Variants in PCSK6 observed in about 807,000 individuals in gnomAD.
PCSK6 encodes the protein proprotein convertase subtilisin/kexin type 6.
In PCSK6, 85 loss-of-function variants were observed where a neutral mutation model predicts 123.3. The ratio of observed to expected loss-of-function variants is 0.69; its 90% confidence interval spans 0.58 to 0.83. The LOEUF (loss-of-function observed/expected upper bound fraction) is 0.83, where lower values mean the gene tolerates loss of function less well. PCSK6 is among the 40% of genes least tolerant of loss of function. PCSK6 has a pLI of 0.00. For synonymous variants in PCSK6, 508 were observed against 516.0 expected (o/e 0.98, Z 0.21); for missense variants, 1,191 against 1,282.3 (o/e 0.93, Z 1.09).
chr15:101,420,819 C>G (rs12441549), intron 6 of PCSK6, among the ~76,000 whole-genome samples: 2 of 152,226 alleles, frequency 1.3e-5, no homozygotes, highest in Non-Finnish European at 2.9e-5. Context: ...CCACTCTCCT[C>G]TCTGGAAACA....
intron 6 of PCSK6, among the ~76,000 whole-genome samples, chr15:101,403,184 C>T (rs1327818373): frequency 6.8e-6 from 1 of 148,046 alleles, no homozygotes; most frequent in African/African-American, 2.5e-5. Context: ...AAAAACCAAA[C>T]ACCGCATGTT....
intron 6 of PCSK6, among the ~76,000 whole-genome samples, chr15:101,411,146 G>C (rs1326198279): frequency 6.6e-6 from 1 of 152,196 alleles, no homozygotes; most frequent in African/African-American, 2.4e-5. Flanking sequence ...GAAGCAGAGG[G>C]CATCAGGTAG....
chr15:101,395,456 C>A (rs762618759), intron 7 of PCSK6, among the ~76,000 whole-genome samples: 1 of 152,214 alleles, frequency 6.6e-6, no homozygotes, highest in African/African-American at 2.4e-5. Flanking sequence ...TACTATGAGA[C>A]CAACCCATCC....
At chr15:101,445,119 A>G (rs2056853984) in intron 1 of PCSK6, among the ~76,000 whole-genome samples, 2 of 152,220 alleles carry the variant, frequency 1.3e-5, no homozygotes, top group Admixed American at 6.5e-5. Flanking sequence ...TGAGGAATCA[A>G]TGGGAATCAC....
chr15:101,393,388 A>G lies in PCSK6; in HGVS notation c.1033T>C (p.Ser345Pro). The G allele has an allele frequency of 1.9e-6, 3 of 1,603,814 alleles. No individual in the cohort carries two copies. The highest frequency in any genetic ancestry group is 2.6e-6 in the Non-Finnish European group (3 of 1,175,468). Residue 345 changes from serine (S) to proline (P), a missense_variant, in exon 8 of 22, where the codon TCT becomes CCT. Physicochemically the swap from Ser to Pro is moderately conservative, Grantham distance 74. This residue lies in a region of PCSK6 where 357 missense variants were observed against 484.5 expected (regional missense o/e 0.74). Transcript: ENST00000611716. ...TCCCCCTCTCTCCCGCCATTCCCAGATGCCCAGACGAAAATGGAGCCCAGG... is the reference window on the plus strand; with the variant it reads ...TCCCCCTCTCTCCCGCCATTCCCAGGTGCCCAGACGAAAATGGAGCCCAGG... ...QGLGSIFVWA[S>P]GNGGREGDYC...
intron 5 of PCSK6, 108 bp downstream of exon 5, chr15:101,429,879 G>T: frequency 1.1e-6 from 1 of 941,606 alleles, no homozygotes; most frequent in Non-Finnish European, 1.7e-6. Flanking sequence ...CCCAGGCAGG[G>T]AAGATACGCC....
At chr15:101,312,248 G>A (rs187582973) in intron 20 of PCSK6, 2 of 151,954 alleles carry the variant, frequency 1.3e-5, no homozygotes, top group African/African-American at 4.9e-5. Context: ...AAGACAGGTT[G>A]CCCTGCCCTG....
At chr15:101,324,755 G>T in intron 17 of PCSK6, 95 bp downstream of exon 17, 1 of 1,036,424 alleles carries the variant, frequency 9.6e-7, no homozygotes, top group Non-Finnish European at 1.4e-6. Flanking sequence ...ATACACGGAA[G>T]CAGAAGGCTG....
chr15:101,307,510 G>A, intron 20 of PCSK6, 185 bp from the exon 21 acceptor site: 1 of 569,030 alleles, frequency 1.8e-6, no homozygotes, highest in East Asian at 3.0e-5. Flanking sequence ...CTTTTCTCCT[G>A]TCTGACCTCA....
rs1350215203 is a variant in PCSK6 at position 101,489,397 on chromosome 15, G to T, written c.274C>A (p.His92Asn). 7.9e-7 allele frequency: 1 copy of T among 1,271,376 alleles called. No homozygotes were observed. The highest frequency in any genetic ancestry group is 1.5e-5 in the South Asian group (1 of 66,248). 78.8% of individuals were successfully genotyped at this position (1,271,376 alleles called of 1,614,324 possible). The change falls in exon 1 of 22, where the codon CAC becomes AAC. Residue 92 changes from histidine (H) to asparagine (N), a missense_variant. By Grantham distance (68) the His-to-Asn change is moderately conservative. Coordinates refer to ENST00000611716, the MANE Select transcript of PCSK6 (RefSeq NM_002570.5). Reference protein sequence around the residue: ...PAEADRVAAAHGYLNLGQIGN... With the variant: ...PAEADRVAAANGYLNLGQIGN... ...ACCTGGCCCAAGTTGAGGTACCCGT[G>T]CGCCGCCGCCACGCGGTCCGCCTCG...
chr15:101,370,316 C>G lies in PCSK6; in HGVS notation c.1721+19G>C. 1 of 1,498,664 alleles carries G rather than the reference C, an allele frequency of 6.7e-7. No homozygotes were observed. Among genetic ancestry groups the G allele is most frequent in the African/African-American group, 1.4e-5 (1 of 72,096 alleles). The allele number at this position is 1,498,664 out of a possible 1,614,324, so 92.8% of individuals were successfully genotyped here. A position where few individuals can be genotyped will look rare whatever the true frequency, so the allele number is the denominator to read the frequency against. On this transcript the variant is annotated intron_variant, in intron 12 of 21. Transcript: ENST00000611716. ...TCTCAGTGAGCCCAGACCCCATCCC[C>G]ACGCCTGCCTCGCCTTACCTCTTTG...
intron 13 of PCSK6, chr15:101,346,743 A>T (rs73493365): frequency 8.2e-7 from 1 of 1,226,618 alleles, no homozygotes; most frequent in African/African-American, 1.6e-5. Flanking sequence ...CATTTTCATC[A>T]ATGTTTAGTA....
At chr15:101,351,200 C>T (rs569420503) in intron 13 of PCSK6, among the ~76,000 whole-genome samples, 9 of 152,194 alleles carry the variant, frequency 5.9e-5, no homozygotes, top group East Asian at 1.9e-4. Flanking sequence ...ATATGGAAAT[C>T]GACAAATGCT....
intron 17 of PCSK6, among the ~76,000 whole-genome samples, chr15:101,323,705 C>A (rs988086075): frequency 2.0e-5 from 3 of 149,696 alleles, no homozygotes; most frequent in Non-Finnish European, 4.4e-5. Context: ...TGCACTCCAG[C>A]CTGGGAGACA....
intron 18 of PCSK6, among the ~76,000 whole-genome samples, chr15:101,320,702 T>A (rs187139310): frequency 6.6e-6 from 1 of 152,294 alleles, no homozygotes; most frequent in African/African-American, 2.4e-5. Flanking sequence ...CCTGTGTTGA[T>A]CCCCCTGAAG....
At position 101,447,180 on chromosome 15, in the gene PCSK6, G is replaced by A. The variant is rs563802289; in HGVS notation, c.298-3520C>T. 5.9e-5 allele frequency among the ~76,000 whole-genome samples: 9 copies of A among 152,246 alleles called. No homozygotes were observed. In the South Asian group the frequency reaches 1.9e-3, roughly 32 times the overall value. ...ACAGCAGGGTCCACCCCAGGTACGAGGAGGTTCTGCCCCTCCCCAGTGAGG... is the reference window on the plus strand; with the variant it reads ...ACAGCAGGGTCCACCCCAGGTACGAAGAGGTTCTGCCCCTCCCCAGTGAGG... On this transcript the variant is annotated intron_variant, in intron 1 of 21. Coordinates refer to ENST00000611716, the MANE Select transcript of PCSK6 (RefSeq NM_002570.5).
intron 12 of PCSK6, 27 bp from the exon 13 acceptor site, chr15:101,366,359 A>G (rs1379009865): frequency 1.2e-6 from 2 of 1,607,048 alleles, no homozygotes; most frequent in Admixed American, 3.4e-5. Flanking sequence ...GGTGTCAGAA[A>G]TGAAGGTGCT....
At chr15:101,466,530 A>G (rs2141221483) in intron 1 of PCSK6, among the ~76,000 whole-genome samples, 1 of 152,342 alleles carries the variant, frequency 6.6e-6, no homozygotes, top group Non-Finnish European at 1.5e-5. Context: ...ATACGTCCAC[A>G]TACAACTTGC....
rs2057586183 is a variant in PCSK6, at chr15:101,470,837, CTG to C, written c.297+18535_297+18536del. On this transcript the variant is annotated intron_variant, in intron 1 of 21. Coordinates refer to ENST00000611716, the MANE Select transcript of PCSK6 (RefSeq NM_002570.5). ...CATAGGACGCCTGTCCGTTAGGACT[CTG>C]TAGGGAATGGCTGTGGTGCTGCCCT... Among the ~76,000 whole-genome samples the C allele has an allele frequency of 2.6e-5, 4 of 152,210 alleles. No individual in the cohort carries two copies. In the South Asian group the frequency reaches 8.3e-4, roughly 32 times the overall value.
Sources: allele counts gnomAD v4.1 joint callset (sites outside exome capture counted in the v4.1 genomes callset), GRCh38; gene constraint gnomAD v4.1.1; regional missense constraint gnomAD v4.1.1; transcripts MANE v1.5; gene names NCBI Gene and HGNC (gene_info 2026-07-23, HGNC 2026-07-21).